PTGFR: variants seen among roughly 807,000 people sequenced by gnomAD.
The protein encoded by PTGFR is prostaglandin F2-alpha receptor.
PTGFR carries 15 observed loss-of-function variants against 26.2 expected under a neutral mutation model. That is an observed-to-expected ratio of 0.57 (90% CI 0.38 to 0.88). The LOEUF is 0.88. PTGFR is among the 40% of genes least tolerant of loss of function. PTGFR has a pLI of 0.00. For missense variants in PTGFR, 369 were observed against 427.2 expected (o/e 0.86, Z 1.20); for synonymous variants, 165 against 151.1 (o/e 1.09, Z -0.68).
chr1:78,511,868 A>G (rs1228522609), intron 2 of PTGFR, among the ~76,000 whole-genome samples: 1 of 152,210 alleles, frequency 6.6e-6, no homozygotes, highest in Admixed American at 6.5e-5. Flanking sequence ...AGAAGCAGCC[A>G]TGCCACATCT....
chr1:78,531,165 G>A (rs556087766), intron 2 of PTGFR, among the ~76,000 whole-genome samples: 3 of 152,238 alleles, frequency 2.0e-5, no homozygotes, highest in South Asian at 4.1e-4. Flanking sequence ...GTGGGTCAAA[G>A]CTTCTTTAAA....
chr1:78,509,187 C>T (rs1033818661), intron 2 of PTGFR, among the ~76,000 whole-genome samples: 1 of 152,138 alleles, frequency 6.6e-6, no homozygotes, highest in Non-Finnish European at 1.5e-5. Context: ...AGAAAGGAAT[C>T]AGTGGATGGA....
intron 2 of PTGFR, among the ~76,000 whole-genome samples, chr1:78,508,004 T>C (rs952055097): frequency 1.3e-5 from 2 of 152,186 alleles, no homozygotes; most frequent in African/African-American, 4.8e-5. Context: ...TTCTTTTCCT[T>C]CCTGTGTAGT....
chr1:78,531,336 C>T (rs1650501453), intron 2 of PTGFR, among the ~76,000 whole-genome samples: 2 of 152,142 alleles, frequency 1.3e-5, no homozygotes, highest in Admixed American at 6.6e-5. Context: ...CCCACCACCT[C>T]CATCCCAGTT....
intron 2 of PTGFR, 62 bp downstream of exon 2, chr1:78,493,603 T>C: frequency 1.4e-6 from 2 of 1,435,598 alleles, no homozygotes; most frequent in African/African-American, 1.4e-5. Flanking sequence ...TTCAAGGTTA[T>C]CTGGAAGTTC....
At position 78,540,507 on chromosome 1, in the gene PTGFR, G is replaced by A. The variant is rs1650770884; in HGVS notation, c.*3820G>A. ...TGTAAGTACTGACAAGCATGGTCTT[G>A]TAATCTGTAAAGATAAGGTAGAATA... On this transcript the variant is annotated 3_prime_UTR_variant, in exon 3 of 3. Coordinates refer to ENST00000370757, the MANE Select transcript of PTGFR (RefSeq NM_000959.4). 6.6e-6 allele frequency among the ~76,000 whole-genome samples: 1 copy of A among 152,060 alleles called. No homozygotes were observed. The highest frequency in any genetic ancestry group is 1.5e-5 in the Non-Finnish European group (1 of 67,994).
chr1:78,523,382 T>C (rs566518462), intron 2 of PTGFR, among the ~76,000 whole-genome samples: 3 of 152,228 alleles, frequency 2.0e-5, no homozygotes, highest in African/African-American at 7.2e-5. Context: ...TTTTATATTA[T>C]AGAATAATAT....
chr1:78,501,833 G>A (rs1316360103), intron 2 of PTGFR, among the ~76,000 whole-genome samples: 5 of 152,078 alleles, frequency 3.3e-5, no homozygotes, highest in Admixed American at 1.3e-4. Flanking sequence ...TATAATAATC[G>A]TAAACTCAGA....
At chr1:78,527,328 A>G (rs1031294763) in intron 2 of PTGFR, among the ~76,000 whole-genome samples, 1 of 152,134 alleles carries the variant, frequency 6.6e-6, no homozygotes, top group African/African-American at 2.4e-5. Context: ...GTAAAATTGT[A>G]TGAATTTTAG....
intron 2 of PTGFR, among the ~76,000 whole-genome samples, chr1:78,513,684 A>G (rs183373861): frequency 3.3e-5 from 5 of 152,344 alleles, no homozygotes; most frequent in Admixed American, 2.6e-4. Context: ...TAGCGTGACT[A>G]AAAAGTAGCC....
chr1:78,528,331 C>G (rs1332562306), intron 2 of PTGFR, among the ~76,000 whole-genome samples: 1 of 121,744 alleles, frequency 8.2e-6, no homozygotes, highest in Non-Finnish European at 1.7e-5. Context: ...AAGCACAACA[C>G]TCAAATTGTC....
At chr1:78,494,952 AAGTT>A (rs1388724110) in intron 2 of PTGFR, among the ~76,000 whole-genome samples, 1 of 152,200 alleles carries the variant, frequency 6.6e-6, no homozygotes, top group African/African-American at 2.4e-5. Flanking sequence ...ATACACATAA[AAGTT>A]TGTGATAGCT....
At chr1:78,504,692 C>T (rs1649787419) in intron 2 of PTGFR, among the ~76,000 whole-genome samples, 1 of 152,092 alleles carries the variant, frequency 6.6e-6, no homozygotes, top group Admixed American at 6.5e-5. Flanking sequence ...CCCCATTCAT[C>T]ATTTGTATTT....
Position 78,498,065 on chromosome 1 carries a change from T to G in PTGFR, c.798+4524T>G, listed in dbSNP as rs112533567. ...GTTAAACATTGTTTGGTCACTAAGG[T>G]GTTTGTTAGATATAGATCAAAGAAC... On this transcript the variant is annotated intron_variant, in intron 2 of 2. Coordinates refer to ENST00000370757, the MANE Select transcript of PTGFR (RefSeq NM_000959.4). The G allele has an allele frequency of 4.8e-5, 36 of 755,716 alleles. 1 individual carries two copies. The African/African-American group carries it at 5.2e-4, about 11-fold the overall frequency. The allele number at this position is 755,716 out of a possible 1,614,324, so 46.8% of individuals were successfully genotyped here.
intron 2 of PTGFR, among the ~76,000 whole-genome samples, chr1:78,495,185 AC>A (rs1395337432): frequency 6.6e-6 from 1 of 152,228 alleles, no homozygotes; most frequent in Non-Finnish European, 1.5e-5. Context: ...TGGCAAGTCA[AC>A]CTTTGGAGAC....
intron 2 of PTGFR, among the ~76,000 whole-genome samples, chr1:78,531,766 C>T (rs1204092597): frequency 6.6e-6 from 1 of 152,006 alleles, no homozygotes; most frequent in Non-Finnish European, 1.5e-5. Context: ...TCTTGTCTTC[C>T]CCAACTCAAG....
chr1:78,493,283 G>A lies in PTGFR; in HGVS notation c.540G>A (p.Gln180=). 1.2e-6 allele frequency: 2 copies of A among 1,614,172 alleles called. No homozygotes were observed. The highest frequency in any genetic ancestry group is 1.7e-6 in the Non-Finnish European group (2 of 1,180,024). The part of the protein sequence containing the change: ...PILGHRDYKI[Q]ASRTWCFYNT... ...TTGGACATCGAGACTATAAAATTCA[G>A]GCGTCGAGGACCTGGTGTTTCTACA... The change falls in exon 2 of 3, where the codon CAG becomes CAA. Residue 180 remains glutamine, a synonymous_variant. Transcript: ENST00000370757.
chr1:78,496,643 A>C (rs1649559638), intron 2 of PTGFR, among the ~76,000 whole-genome samples: 1 of 152,212 alleles, frequency 6.6e-6, no homozygotes, highest in Non-Finnish European at 1.5e-5. Flanking sequence ...TACTGCATCA[A>C]AACTTGTCAA....
chr1:78,538,329 A>G lies in PTGFR; in HGVS notation c.*1642A>G, dbSNP rs1650707368. 6.6e-6 allele frequency: 1 copy of G among 152,026 alleles called. No individual in the cohort carries two copies. The highest frequency in any genetic ancestry group is 2.4e-5 in the African/African-American group (1 of 41,426). 9.4% of individuals were successfully genotyped at this position (152,026 alleles called of 1,614,324 possible). The stretch of plus-strand genomic sequence containing the variant: ...TTGAGGCTTCTAAATAAATGGCAGA[A>G]TTCTTGCTGTATTGCCATGATGTCA... On this transcript the variant is annotated 3_prime_UTR_variant, in exon 3 of 3. Coordinates refer to ENST00000370757, the MANE Select transcript of PTGFR (RefSeq NM_000959.4).
Sources: allele counts gnomAD v4.1 joint callset (sites outside exome capture counted in the v4.1 genomes callset), GRCh38; gene constraint gnomAD v4.1.1; transcripts MANE v1.5; gene names NCBI Gene and HGNC (gene_info 2026-07-23, HGNC 2026-07-21).